Variants in TSGA10 observed in about 807,000 individuals in gnomAD.
The protein encoded by TSGA10 is testis specific 10.
A neutral mutation model predicts 96.6 loss-of-function variants in TSGA10; 43 were observed. The ratio of observed to expected loss-of-function variants is 0.44; its 90% CI spans 0.35 to 0.57. The LOEUF (loss-of-function observed/expected upper bound fraction) is 0.57, where lower values mean the gene tolerates loss of function less well. Among genes scored for constraint, TSGA10 ranks in the 20% least tolerant of loss-of-function variants. TSGA10 has a pLI of 0.01. For missense variants in TSGA10, 703 were observed against 834.4 expected (o/e 0.84, Z 1.94); for synonymous variants, 229 against 269.9 (o/e 0.85, Z 1.48).
chr2:99,058,914 G>C (rs2084306504), intron 16 of TSGA10, among the ~76,000 whole-genome samples: 1 of 151,308 alleles, frequency 6.6e-6, no homozygotes, highest in South Asian at 2.1e-4. Flanking sequence ...GTGGGCACCT[G>C]TAATCCCAGC....
intron 13 of TSGA10, 80 bp from the exon 14 acceptor site, chr2:99,071,954 G>C: frequency 7.9e-7 from 1 of 1,270,650 alleles, no homozygotes; most frequent in Non-Finnish European, 1.1e-6. Flanking sequence ...ACAGAAGATG[G>C]ACAGTTAGTA....
chr2:99,102,613 C>T, intron 10 of TSGA10: 1 of 1,614,120 alleles, frequency 6.2e-7, no homozygotes, highest in Non-Finnish European at 8.5e-7. Flanking sequence ...CAGTTTATTA[C>T]AACTACTTTT....
intron 6 of TSGA10, 139 bp from the exon 7 acceptor site, chr2:99,109,130 A>C (rs1050707447): frequency 7.7e-5 from 62 of 802,326 alleles, no homozygotes; most frequent in Non-Finnish European, 1.1e-4. Context: ...AAGTTTAAAA[A>C]CCACATCTTT....
At chr2:98,998,513 T>C (rs2077624272) in intron 20 of TSGA10, among the ~76,000 whole-genome samples, 1 of 152,150 alleles carries the variant, frequency 6.6e-6, no homozygotes, top group African/African-American at 2.4e-5. Context: ...GAAAAGGTTA[T>C]CTCAAAACGA....
intron 4 of TSGA10, among the ~76,000 whole-genome samples, chr2:99,112,193 GTGT>G (rs1332984922): frequency 1.3e-5 from 2 of 152,118 alleles, no homozygotes; most frequent in Non-Finnish European, 2.9e-5. Flanking sequence ...GCCTGCCATT[GTGT>G]TATGTGCTGG....
chr2:99,044,542 T>G (rs938404467), intron 16 of TSGA10, among the ~76,000 whole-genome samples: 5 of 152,094 alleles, frequency 3.3e-5, no homozygotes, highest in African/African-American at 1.2e-4. Context: ...AACAAGTTCT[T>G]AAAGACCTAT....
At position 98,998,128 on chromosome 2, in the gene TSGA10, G is replaced by T; in HGVS notation, c.*69C>A. 1 of 1,342,166 alleles carries T rather than the reference G, an allele frequency of 7.5e-7. No homozygotes were observed. Among genetic ancestry groups the T allele is most frequent in the Non-Finnish European group, 1.0e-6 (1 of 960,830 alleles). 83.1% of individuals were successfully genotyped at this position (1,342,166 alleles called of 1,614,324 possible). A position where few individuals can be genotyped will look rare whatever the true frequency, so the allele number is the denominator to read the frequency against. ...GCATTTAAAAGATAAATGCACTCAT[G>T]TAGCAAAAAAAAAAAAATCAGTTTG... On this transcript the variant is annotated 3_prime_UTR_variant, in exon 21 of 21. Coordinates refer to ENST00000393483, the MANE Select transcript of TSGA10 (RefSeq NM_025244.4).
rs867144920 is a variant in TSGA10 at position 99,059,070 on chromosome 2, T to A, written c.1404+5869A>T. Among the ~76,000 whole-genome samples the A allele has an allele frequency of 4.8e-5, 5 of 103,730 alleles. No homozygotes were observed. The South Asian group carries it at 1.4e-3, about 28-fold the overall frequency. The allele number at this position is 103,730 out of a possible 152,430, so 68.1% of individuals were successfully genotyped here. A position where few individuals can be genotyped will look rare whatever the true frequency, so the allele number is the denominator to read the frequency against. On this transcript the variant is annotated intron_variant, in intron 16 of 20. Coordinates refer to ENST00000393483, the MANE Select transcript of TSGA10 (RefSeq NM_025244.4). The stretch of plus-strand genomic sequence containing the variant: ...AAATAATATATATATATATATATAT[T>A]TATATATTTTTATATATATATATAT...
intron 1 of TSGA10, among the ~76,000 whole-genome samples, chr2:99,137,301 C>G (rs942325772): frequency 6.6e-6 from 1 of 152,188 alleles, no homozygotes; most frequent in African/African-American, 2.4e-5. Flanking sequence ...GGCCAAGACT[C>G]TGCCTCTTAA....
chr2:99,031,458 C>G (rs1443582442), intron 17 of TSGA10, among the ~76,000 whole-genome samples: 1 of 151,946 alleles, frequency 6.6e-6, no homozygotes, highest in Non-Finnish European at 1.5e-5. Context: ...AATTTTTAGA[C>G]TTAAAGCCAA....
chr2:99,104,916 C>T (rs1001009455), intron 9 of TSGA10, among the ~76,000 whole-genome samples: 22 of 152,240 alleles, frequency 1.4e-4, no homozygotes, highest in African/African-American at 4.8e-4. Flanking sequence ...GTAGCAATAT[C>T]AAATCTGATT....
At chr2:99,081,443 G>T in intron 10 of TSGA10, 46 bp from the exon 11 acceptor site, 1 of 1,157,510 alleles carries the variant, frequency 8.6e-7, no homozygotes, top group Non-Finnish European at 1.2e-6. Flanking sequence ...TTTTTGTTTT[G>T]TCATCTTGTA....
chr2:99,034,790 A>C (rs115949051), intron 17 of TSGA10, among the ~76,000 whole-genome samples: 2,752 of 152,230 alleles, frequency 0.018, 83 homozygotes, highest in African/African-American at 0.063. Context: ...TGAGGACAGG[A>C]ACCTATATCT....
chr2:99,117,878 A>T (rs150697355), intron 3 of TSGA10, 119 bp from the exon 4 acceptor site: 1 of 311,622 alleles, frequency 3.2e-6, no homozygotes, highest in African/African-American at 2.3e-5. Context: ...ACTTAACTCT[A>T]TACCTTTTTG....
intron 10 of TSGA10, among the ~76,000 whole-genome samples, chr2:99,085,725 C>T (rs1385982406): frequency 7.3e-6 from 1 of 136,388 alleles, no homozygotes; most frequent in East Asian, 2.1e-4. Context: ...AAAAAAGTTA[C>T]AAATAACAGT....
chr2:99,125,219 A>C (rs1430210035), intron 2 of TSGA10: 1 of 152,218 alleles, frequency 6.6e-6, no homozygotes, highest in Non-Finnish European at 1.5e-5. Context: ...TTTAAAATAC[A>C]CTGAATACTA....
At chr2:99,035,473 C>G in intron 16 of TSGA10, 34 bp from the exon 17 acceptor site, 1 of 1,390,040 alleles carries the variant, frequency 7.2e-7, no homozygotes, top group Non-Finnish European at 9.8e-7. Flanking sequence ...TGTATGTATA[C>G]ATATATATTA....
At chr2:99,022,324 CAAAAAAAAAAAAAAAAAA>C (rs56381088) in intron 17 of TSGA10, among the ~76,000 whole-genome samples, 1 of 43,910 alleles carries the variant, frequency 2.3e-5, no homozygotes, top group East Asian at 1.0e-3. Flanking sequence ...GACCCTGTCT[CAAAAAAAAAAAAAAAAAA>C]AAAAAAAAAA....
intron 2 of TSGA10, among the ~76,000 whole-genome samples, chr2:99,121,375 C>T (rs1350140744): frequency 4.1e-4 from 3 of 7,326 alleles, no homozygotes; most frequent in African/African-American, 1.6e-3. Flanking sequence ...GTTATTTCAT[C>T]ATGGCCTTAA....
Sources: allele counts gnomAD v4.1 joint callset (sites outside exome capture counted in the v4.1 genomes callset), GRCh38; gene constraint gnomAD v4.1.1; transcripts MANE v1.5; gene names NCBI Gene and HGNC (gene_info 2026-07-23, HGNC 2026-07-21).